Variants in CSGALNACT1 observed in about 807,000 individuals in gnomAD.
CSGALNACT1 encodes beta4GalNAcT-1.
CSGALNACT1 carries 52 observed loss-of-function variants against 51.0 expected under a neutral mutation model. That is an observed-to-expected ratio of 1.02 (90% CI 0.82 to 1.29). The LOEUF (loss-of-function observed/expected upper bound fraction) is 1.29, where lower values mean the gene tolerates loss of function less well. Among genes scored for constraint, CSGALNACT1 ranks in the 50% most tolerant of loss-of-function variants. CSGALNACT1 has a pLI of 0.00. For synonymous variants in CSGALNACT1, 341 were observed against 254.4 expected, an observed-to-expected ratio of 1.34 and a Z score of -3.24; for missense variants, 935 against 679.2, an observed-to-expected ratio of 1.38 and a Z score of -4.19.
chr8:19,550,135 T>C (rs890604499), intron 3 of CSGALNACT1, among the ~76,000 whole-genome samples: 3 of 152,122 alleles, frequency 2.0e-5, no homozygotes, highest in African/African-American at 7.2e-5. Context: ...TCATTCTCTT[T>C]CTGAAACTTT....
At chr8:19,667,249 C>T (rs1410547099) in intron 1 of CSGALNACT1, among the ~76,000 whole-genome samples, 1 of 145,306 alleles carries the variant, frequency 6.9e-6, no homozygotes, top group Non-Finnish European at 1.5e-5. Context: ...GGCGAAACCC[C>T]ATCTCTACCA....
At chr8:19,612,200 G>A (rs2052354832) in intron 1 of CSGALNACT1, among the ~76,000 whole-genome samples, 1 of 152,038 alleles carries the variant, frequency 6.6e-6, no homozygotes, top group Non-Finnish European at 1.5e-5. Context: ...AAATTTAGCA[G>A]AGCGTGATGG....
At chr8:19,447,958 T>G (rs966671959) in intron 5 of CSGALNACT1, among the ~76,000 whole-genome samples, 2 of 152,174 alleles carry the variant, frequency 1.3e-5, no homozygotes, top group African/African-American at 4.8e-5. Flanking sequence ...ATAGACATGC[T>G]GGTGGTGGGT....
intron 4 of CSGALNACT1, among the ~76,000 whole-genome samples, chr8:19,469,653 G>T (rs2067629183): frequency 6.6e-6 from 1 of 152,106 alleles, no homozygotes; most frequent in Non-Finnish European, 1.5e-5. Flanking sequence ...GTCTGGCACG[G>T]CTACATCCTT....
intron 7 of CSGALNACT1, 83 bp downstream of exon 6, chr8:19,420,257 G>C: frequency 8.1e-7 from 1 of 1,238,722 alleles, no homozygotes; most frequent in Non-Finnish European, 1.2e-6. Context: ...CAGGACATCA[G>C]AGTGACTGAC....
chr8:19,464,195 C>G (rs1423179047), intron 4 of CSGALNACT1, among the ~76,000 whole-genome samples: 1 of 152,198 alleles, frequency 6.6e-6, no homozygotes, highest in Non-Finnish European at 1.5e-5. Context: ...TTCATCCCTG[C>G]CTTCCCTACC....
At chr8:19,466,112 G>A (rs1267627543) in intron 4 of CSGALNACT1, among the ~76,000 whole-genome samples, 2 of 152,060 alleles carry the variant, frequency 1.3e-5, no homozygotes, top group African/African-American at 4.8e-5. Context: ...ACTGAAAAGG[G>A]TAAATTTTGA....
intron 4 of CSGALNACT1, among the ~76,000 whole-genome samples, chr8:19,471,082 C>A (rs1380451186): frequency 6.6e-6 from 1 of 151,224 alleles, no homozygotes; most frequent in African/African-American, 2.4e-5. Flanking sequence ...AGCAACAGAG[C>A]AAGACTCTGT....
chr8:19,623,232 T>C (rs188282698), intron 1 of CSGALNACT1, among the ~76,000 whole-genome samples: 103 of 152,312 alleles, frequency 6.8e-4, no homozygotes, highest in African/African-American at 2.4e-3. Context: ...TAAAGCTGTA[T>C]GCATATAATA....
In CSGALNACT1 at chr8:19,667,008, A is replaced by T. The variant is rs375656613; in HGVS notation, c.-544+15465T>A. On this transcript the variant is annotated intron_variant, in intron 1 of 9. Coordinates refer to the CSGALNACT1 transcript ENST00000332246. ...GAAAGAAAGAAAGAAAGAAAGAAAG[A>T]AAGAAAGAAAGGAAGGAAGGAAGGA... 2.5e-4 allele frequency among the ~76,000 whole-genome samples: 8 copies of T among 31,458 alleles called. 1 individual carries two copies. The highest frequency in any genetic ancestry group is 1.7e-3 in the African/African-American group (8 of 4,706). The allele number at this position is 31,458 out of a possible 152,430, so 20.6% of individuals were successfully genotyped here.
upstream of CSGALNACT1, among the ~76,000 whole-genome samples, chr8:19,685,265 AT>A (rs1213433978): frequency 6.6e-6 from 1 of 152,194 alleles, no homozygotes; most frequent in Non-Finnish European, 1.5e-5. Flanking sequence ...CTTACCAGCA[AT>A]GAGCACATAA....
chr8:19,536,799 G>A (rs776929658), intron 3 of CSGALNACT1, among the ~76,000 whole-genome samples: 18 of 152,174 alleles, frequency 1.2e-4, no homozygotes, highest in African/African-American at 3.9e-4. Context: ...AGAAGTAGTG[G>A]CAGAGAGATA....
chr8:19,447,826 A>G (rs2062399918), intron 5 of CSGALNACT1, among the ~76,000 whole-genome samples: 1 of 152,186 alleles, frequency 6.6e-6, no homozygotes, highest in East Asian at 1.9e-4. Context: ...TTGTGGACTC[A>G]CCTGTGAGTC....
chr8:19,470,026 A>G lies in CSGALNACT1; in HGVS notation c.635-11384T>C, dbSNP rs1402276606. On this transcript the variant is annotated intron_variant, in intron 4 of 9. Coordinates refer to ENST00000454498, the Ensembl canonical transcript of CSGALNACT1. ...TACCGAGTTGACAGAATGTTTTTTA[A>G]AAATATTGGAAAAAGCAACATACTT... 2.0e-5 allele frequency among the ~76,000 whole-genome samples: 3 copies of G among 152,276 alleles called. No individual in the cohort carries two copies. In the East Asian group the frequency reaches 5.8e-4, roughly 29 times the overall value.
At chr8:19,736,721 AC>A (rs369603840) in intron 1 of CSGALNACT1, among the ~76,000 whole-genome samples, 92 of 152,300 alleles carry the variant, frequency 6.0e-4, no homozygotes, top group African/African-American at 2.1e-3. Flanking sequence ...AGCGAACAGC[AC>A]AGAGGGAGAA....
chr8:19,408,692 G>A (rs2054885629), exon 9 of CSGALNACT1: 1 of 1,613,486 alleles, frequency 6.2e-7, no homozygotes, highest in African/African-American at 1.3e-5. Flanking sequence ...CCTTCTTTAT[G>A]ACCTGCAAGA....
At chr8:19,748,385 G>C (rs1444495741) in intron 1 of CSGALNACT1, among the ~76,000 whole-genome samples, 2 of 152,104 alleles carry the variant, frequency 1.3e-5, no homozygotes, top group Non-Finnish European at 1.5e-5. Flanking sequence ...AGATATATTT[G>C]ATTATAATAA....
chr8:19,601,459 G>C (rs1388691486), intron 2 of CSGALNACT1, among the ~76,000 whole-genome samples: 1 of 152,174 alleles, frequency 6.6e-6, no homozygotes, highest in African/African-American at 2.4e-5. Context: ...GTTTCAAAAA[G>C]ATGTAGCTCT....
At chr8:19,672,761 C>T (rs935007610) in intron 1 of CSGALNACT1, among the ~76,000 whole-genome samples, 4 of 152,218 alleles carry the variant, frequency 2.6e-5, no homozygotes, top group Middle Eastern at 3.4e-3. Flanking sequence ...ATTTTTTATA[C>T]TGTCACACCA....
Sources: allele counts gnomAD v4.1 joint callset (sites outside exome capture counted in the v4.1 genomes callset), GRCh38; gene constraint gnomAD v4.1.1; transcripts MANE v1.5; gene names NCBI Gene and HGNC (gene_info 2026-07-23, HGNC 2026-07-21).